PLCH2: variants seen among roughly 807,000 people sequenced by gnomAD.
The protein encoded by PLCH2 is 1-phosphatidylinositol 4,5-bisphosphate phosphodiesterase eta-2.
PLCH2 carries 98 observed loss-of-function variants against 134.7 expected under a neutral mutation model. The observed-to-expected ratio is 0.73, with a 90% CI of 0.62 to 0.86. PLCH2 has a LOEUF of 0.86. Ranked by LOEUF, PLCH2 falls within the 40% of genes least tolerant of loss-of-function variation. The pLI is 0.00. For synonymous variants in PLCH2, 974 were observed against 827.5 expected (o/e 1.18, Z -3.04); for missense variants, 1,994 against 1,986.6 (o/e 1.00, Z -0.07).
chr1:2,505,245 A>C lies in PLCH2; in HGVS notation c.*32A>C. ...GTGGTGGGAACCTGGGCGGCTCTGGAGGCCCAGGGCAGGGGTGGGCGTGTT... is the reference window on the plus strand; with the variant it reads ...GTGGTGGGAACCTGGGCGGCTCTGGCGGCCCAGGGCAGGGGTGGGCGTGTT... On this transcript the variant is annotated 3_prime_UTR_variant, in exon 22 of 22. Coordinates refer to ENST00000378486, the MANE Select transcript of PLCH2 (RefSeq NM_014638.4). The C allele has an allele frequency of 1.3e-6, 2 of 1,501,044 alleles. No individual in the cohort carries two copies. Among genetic ancestry groups the C allele is most frequent in the Non-Finnish European group, 9.0e-7 (1 of 1,115,784 alleles). 93.0% of individuals were successfully genotyped at this position (1,501,044 alleles called of 1,614,324 possible).
At chr1:2,481,024 G>A (rs930474688) in intron 4 of PLCH2, among the ~76,000 whole-genome samples, 9 of 152,140 alleles carry the variant, frequency 5.9e-5, no homozygotes, top group South Asian at 2.1e-4. Flanking sequence ...GCACACACAC[G>A]CACACGCATG....
At position 2,504,078 on chromosome 1, in the gene PLCH2, C is replaced by A. The variant is rs373532136; in HGVS notation, c.3116C>A (p.Ala1039Asp). The change falls in exon 22 of 22, where the codon GCC becomes GAC. Residue 1039 changes from alanine to aspartate, a missense_variant. Ala to Asp is a moderately radical substitution (Grantham distance 126, BLOSUM62 -2). Transcript: ENST00000378486. Reference sequence around the variant, plus strand: ...CCCCCATACCCCACAGGACCCGGAGCCAATGTGGCAAGCCCCCTAGAGGAC... The same window carrying A: ...CCCCCATACCCCACAGGACCCGGAGACAATGTGGCAAGCCCCCTAGAGGAC... ...GRPPYPTGPG[A>D]NVASPLEDTE... 1.3e-6 allele frequency: 2 copies of A among 1,548,388 alleles called. No individual in the cohort carries two copies. The highest frequency in any genetic ancestry group is 1.7e-6 in the Non-Finnish European group (2 of 1,147,028).
chr1:2,472,173 T>C (rs538964651), upstream of PLCH2, among the ~76,000 whole-genome samples: 12 of 152,238 alleles, frequency 7.9e-5, no homozygotes, highest in Non-Finnish European at 1.8e-4. Flanking sequence ...AAAATAAAAA[T>C]AGTTGGGGAG....
chr1:2,426,571 C>G (rs1426471822), intron 1 of PLCH2, among the ~76,000 whole-genome samples: 1 of 152,272 alleles, frequency 6.6e-6, no homozygotes, highest in Admixed American at 6.5e-5. Flanking sequence ...TGACCTAGGG[C>G]TGGCCCCTCG....
At chr1:2,458,712 G>A (rs1015278588) in intron 2 of PLCH2, among the ~76,000 whole-genome samples, 18 of 152,158 alleles carry the variant, frequency 1.2e-4, no homozygotes, top group African/African-American at 4.3e-4. Flanking sequence ...CCCAGACCGC[G>A]CCCATACAGG....
Position 2,496,615 on chromosome 1 carries a change from G to A in PLCH2, c.1844G>A (p.Arg615Gln), listed in dbSNP as rs779515479. The A allele has an allele frequency of 1.2e-5, 19 of 1,610,676 alleles. No homozygotes were observed. Among genetic ancestry groups the A allele is most frequent in the East Asian group, 6.7e-5 (3 of 44,766 alleles). The change falls in exon 14 of 22, where the codon CGG (arginine) becomes CAG (glutamine). Residue 615 changes from arginine to glutamine, a missense_variant. Transcript: ENST00000378486. ...SPGGQSRGAT[R>Q]QKKTMKLSRA... is the part of the protein sequence containing the mutation. The stretch of plus-strand genomic sequence containing the variant: ...CCCTGCACCTGCCACAGGGCGACCC[G>A]GCAGAAGAAGACCATGAAGCTGTCC...
Position 2,476,422 on chromosome 1 carries a change from C to G in PLCH2, c.-167C>G. On this transcript the variant is annotated 5_prime_UTR_variant, in exon 1 of 22. Coordinates refer to ENST00000378486, the MANE Select transcript of PLCH2 (RefSeq NM_014638.4). ...GGCCAATGCCAGCCGGGCCTGGGCA[C>G]AGCCCTGTGGGGGCTTCGGAGGGCC... 1.5e-6 allele frequency: 1 copy of G among 646,038 alleles called. No individual in the cohort carries two copies. The highest frequency in any genetic ancestry group is 2.5e-6 in the Non-Finnish European group (1 of 401,850). 40.0% of individuals were successfully genotyped at this position (646,038 alleles called of 1,614,324 possible).
upstream of PLCH2, among the ~76,000 whole-genome samples, chr1:2,462,947 A>T (rs989149256): frequency 2.0e-5 from 3 of 152,170 alleles, no homozygotes; most frequent in Non-Finnish European, 2.9e-5. Flanking sequence ...TAGAACTCTT[A>T]AACCAGGCAA....
At chr1:2,436,487 CT>C (rs1557943869) in intron 2 of PLCH2, among the ~76,000 whole-genome samples, 1 of 30,370 alleles carries the variant, frequency 3.3e-5, no homozygotes, top group Non-Finnish European at 5.1e-5. Context: ...CCCTCCTCCC[CT>C]CCTCCCTCCT....
At position 2,497,585 on chromosome 1, in the gene PLCH2, C is replaced by G. The variant is rs375273195; in HGVS notation, c.2200C>G (p.Leu734Val). The G allele has an allele frequency of 1.9e-6, 3 of 1,561,550 alleles. No individual in the cohort carries two copies. The highest frequency in any genetic ancestry group is 2.6e-6 in the Non-Finnish European group (3 of 1,153,368). Residue 734 changes from leucine (L) to valine (V), a missense_variant, in exon 16 of 22, where the codon CTC (leucine) becomes GTC (valine). Physicochemically the swap from Leu to Val is conservative, Grantham distance 32 (BLOSUM62 1). Coordinates refer to ENST00000378486, the MANE Select transcript of PLCH2 (RefSeq NM_014638.4). ...CGCCAACGGTGGCTGCGGCTACGTA[C>G]TCAAGCCTGGGTGCATGTGCCAGGG... is the stretch of plus-strand genomic sequence containing the variant. ...FSANGGCGYV[L>V]KPGCMCQGVF...
At chr1:2,436,140 A>ATCCCTTCCTCCCTGCTCCCTCC (rs1418380389) in intron 2 of PLCH2, among the ~76,000 whole-genome samples, 4 of 31,356 alleles carry the variant, frequency 1.3e-4, no homozygotes, top group Admixed American at 7.8e-4. Context: ...CTGCTCCCTC[A>ATCCCTTCCTCCCTGCTCCCTCC]TCCCTTCCTC....
Position 2,478,523 on chromosome 1 carries a change from C to T in PLCH2, c.172C>T (p.Leu58=), listed in dbSNP as rs765371323. ...GCAAGAGGGGATGCAGATGGTGAAG[C>T]TGCGTGGCGGCTCCAAGGGCCTGGT... ...AMQEGMQMVK[L]RGGSKGLVRF... is the part of the protein sequence containing the mutation. The change falls in exon 2 of 22, where the codon CTG becomes TTG. Residue 58 remains leucine, a synonymous_variant. Coordinates refer to ENST00000378486, the MANE Select transcript of PLCH2 (RefSeq NM_014638.4). 4.3e-6 allele frequency: 7 copies of T among 1,612,776 alleles called. No homozygotes were observed. The highest frequency in any genetic ancestry group is 2.7e-5 in the African/African-American group (2 of 74,938).
chr1:2,476,787 T>C, intron 1 of PLCH2, 75 bp downstream of exon 1: 2 of 1,447,880 alleles, frequency 1.4e-6, no homozygotes, highest in East Asian at 4.9e-5. Flanking sequence ...GGGCTGTTCC[T>C]GGAGGTGGGG....
At chr1:2,443,768 C>A (rs1251506638) in intron 2 of PLCH2, among the ~76,000 whole-genome samples, 7 of 147,440 alleles carry the variant, frequency 4.7e-5, no homozygotes, top group Admixed American at 3.4e-4. Context: ...GGCGCCTCCA[C>A]GGGGCGCAGT....
chr1:2,420,591 G>T, the PLCH2 span, among the ~76,000 whole-genome samples: 88 of 152,298 alleles, frequency 5.8e-4, no homozygotes, highest in Middle Eastern at 0.01. Flanking sequence ...CCCCAGGGCT[G>T]GGGCACACTC....
intron 2 of PLCH2, among the ~76,000 whole-genome samples, chr1:2,457,783 G>A (rs1269608769): frequency 1.3e-5 from 2 of 151,904 alleles, no homozygotes; most frequent in South Asian, 2.1e-4. Context: ...GAACCATCCC[G>A]GTCCCAGGAG....
chr1:2,418,708 G>T, the PLCH2 span, among the ~76,000 whole-genome samples: 1 of 152,256 alleles, frequency 6.6e-6, no homozygotes, highest in Admixed American at 6.5e-5. Flanking sequence ...GAGCCTGCCC[G>T]CCTGCCTCCG....
intron 19 of PLCH2, among the ~76,000 whole-genome samples, 157 bp from the exon 20 acceptor site, chr1:2,499,484 G>A (rs1242679390): frequency 1.3e-5 from 2 of 152,082 alleles, no homozygotes; most frequent in African/African-American, 4.8e-5. Flanking sequence ...CCTGGAGGAG[G>A]TGGGGTAGTG....
At chr1:2,485,995 C>G (rs1358208157) in intron 5 of PLCH2, among the ~76,000 whole-genome samples, 1 of 152,158 alleles carries the variant, frequency 6.6e-6, no homozygotes, top group Non-Finnish European at 1.5e-5. Flanking sequence ...GGACGCATGG[C>G]CCAGGCAGGG....
Sources: gnomAD v4.1 joint callset for allele counts (sites outside exome capture counted in the v4.1 genomes callset) on GRCh38, gnomAD v4.1.1 for gene constraint, MANE v1.5 for transcripts, NCBI Gene and HGNC (gene_info 2026-07-23, HGNC 2026-07-21) for gene names.